Variants in SHROOM3 observed in about 807,000 individuals in gnomAD.
The protein encoded by SHROOM3 is protein Shroom3.
Under a neutral mutation model 138.6 loss-of-function variants are expected in SHROOM3, and 47 were observed. That is an observed-to-expected ratio of 0.34 (90% CI 0.27 to 0.43). SHROOM3 has a LOEUF of 0.43. Ranked by LOEUF, SHROOM3 falls within the 20% of genes least tolerant of loss-of-function variation. SHROOM3 has a pLI of 1.00. For synonymous variants in SHROOM3, 1,062 were observed against 1,063.3 expected (o/e 1.00, Z 0.02); for missense variants, 2,491 against 2,596.5 (o/e 0.96, Z 0.88).
At chr4:76,752,461 A>T (rs1037619326) in intron 6 of SHROOM3, among the ~76,000 whole-genome samples, 7 of 152,158 alleles carry the variant, frequency 4.6e-5, no homozygotes, top group African/African-American at 1.4e-4. Flanking sequence ...ACAATTTTTT[A>T]AAAATGCTTT....
chr4:76,462,744 A>C (rs868552362), intron 1 of SHROOM3, among the ~76,000 whole-genome samples: 2,256 of 79,302 alleles, frequency 0.028, 40 homozygotes, highest in Middle Eastern at 0.087. Flanking sequence ...CTCCATCTCC[A>C]TCTCCCTCTC....
At chr4:76,441,691 A>G (rs1730694490) in intron 1 of SHROOM3, among the ~76,000 whole-genome samples, 1 of 151,450 alleles carries the variant, frequency 6.6e-6, no homozygotes, top group Non-Finnish European at 1.5e-5. Flanking sequence ...CTTTCCTCTT[A>G]TCTCCCCAGT....
chr4:76,698,392 C>T (rs1453976535), intron 2 of SHROOM3, among the ~76,000 whole-genome samples: 1 of 152,128 alleles, frequency 6.6e-6, no homozygotes, highest in Non-Finnish European at 1.5e-5. Flanking sequence ...TCAGCTGATG[C>T]CAAATTTAGC....
At chr4:76,484,851 C>T (rs990507910) in intron 1 of SHROOM3, among the ~76,000 whole-genome samples, 5 of 152,242 alleles carry the variant, frequency 3.3e-5, no homozygotes, top group Admixed American at 1.3e-4. Flanking sequence ...TGCCCCCACC[C>T]GCTTCCCTCT....
At chr4:76,593,508 G>T (rs1051707655) in intron 2 of SHROOM3, among the ~76,000 whole-genome samples, 2 of 152,134 alleles carry the variant, frequency 1.3e-5, no homozygotes, top group African/African-American at 4.8e-5. Flanking sequence ...TATTTAGTTG[G>T]TCAAGTTCTA....
chr4:76,758,521 T>A (rs980045269), intron 8 of SHROOM3: 1 of 150,410 alleles, frequency 6.6e-6, no homozygotes, highest in African/African-American at 2.4e-5. Flanking sequence ...CTGTTGGGCA[T>A]GAGATGGCCA....
At chr4:76,533,493 A>G (rs1447746646) in intron 1 of SHROOM3, among the ~76,000 whole-genome samples, 2 of 152,286 alleles carry the variant, frequency 1.3e-5, no homozygotes, top group South Asian at 2.1e-4. Context: ...TTTTGCTGCC[A>G]AGGGATCAGC....
At chr4:76,620,070 C>CA (rs68039696) in intron 2 of SHROOM3, among the ~76,000 whole-genome samples, 3,888 of 60,448 alleles carry the variant, frequency 0.064, 122 homozygotes, top group Admixed American at 0.095. Context: ...GAATCTATCT[C>CA]AAAAAAAAAA....
intron 3 of SHROOM3, among the ~76,000 whole-genome samples, chr4:76,728,976 C>T (rs1392219130): frequency 1.3e-5 from 2 of 152,144 alleles, no homozygotes; most frequent in Non-Finnish European, 2.9e-5. Flanking sequence ...ATTTACCATC[C>T]TTCTTTTTAA....
chr4:76,683,015 G>A (rs1719242975), intron 2 of SHROOM3, among the ~76,000 whole-genome samples: 1 of 152,074 alleles, frequency 6.6e-6, no homozygotes, highest in African/African-American at 2.4e-5. Flanking sequence ...GATAACTTGA[G>A]GAATTTCACA....
rs1735884489 is a variant in SHROOM3, at chr4:76,648,511, T to A, written c.324-61645T>A. ...CTAGGCTGTTAAAGACCTGCATTTT[T>A]TTTTTTAGCAGCCTCCTCCTCGGCC... On this transcript the variant is annotated intron_variant, in intron 2 of 10. Coordinates refer to ENST00000296043, the MANE Select transcript of SHROOM3 (RefSeq NM_020859.4). Among the ~76,000 whole-genome samples, 3 of 152,278 alleles carry A rather than the reference T, an allele frequency of 2.0e-5. No individual in the cohort carries two copies. The East Asian group carries it at 5.8e-4, about 29-fold the overall frequency.
chr4:76,681,842 G>A (rs1157741105), intron 2 of SHROOM3, among the ~76,000 whole-genome samples: 1 of 152,104 alleles, frequency 6.6e-6, no homozygotes, highest in African/African-American at 2.4e-5. Flanking sequence ...ACTCTCTCCA[G>A]CCCAGGTGTA....
intron 2 of SHROOM3, among the ~76,000 whole-genome samples, chr4:76,667,860 C>T (rs746777449): frequency 4.8e-4 from 69 of 142,574 alleles, no homozygotes; most frequent in Non-Finnish European, 8.7e-4. Flanking sequence ...CCTAGCTACT[C>T]GGGAGGCTGA....
chr4:76,691,559 A>G (rs1719540888), intron 2 of SHROOM3, among the ~76,000 whole-genome samples: 1 of 152,228 alleles, frequency 6.6e-6, no homozygotes, highest in African/African-American at 2.4e-5. Flanking sequence ...TATGGATAGA[A>G]AATCAACAAT....
At chr4:76,500,651 G>A (rs1345903286) in intron 1 of SHROOM3, among the ~76,000 whole-genome samples, 1 of 152,044 alleles carries the variant, frequency 6.6e-6, no homozygotes. Context: ...AGCCATTCTA[G>A]TGGGTACACA....
intron 2 of SHROOM3, among the ~76,000 whole-genome samples, chr4:76,668,956 A>T (rs773921358): frequency 5.3e-5 from 8 of 152,176 alleles, no homozygotes; most frequent in Admixed American, 3.9e-4. Context: ...TTTATTGCAC[A>T]TAAAGTAACT....
At chr4:76,580,121 T>C (rs1268011523) in intron 2 of SHROOM3, among the ~76,000 whole-genome samples, 1 of 152,242 alleles carries the variant, frequency 6.6e-6, no homozygotes, top group Non-Finnish European at 1.5e-5. Context: ...GTTTAAATCA[T>C]GATTTGAAGC....
At chr4:76,678,207 G>T (rs1393764261) in intron 2 of SHROOM3, among the ~76,000 whole-genome samples, 2 of 152,140 alleles carry the variant, frequency 1.3e-5, no homozygotes, top group South Asian at 4.1e-4. Context: ...CTGCTAACTA[G>T]CTAATGGAAA....
At chr4:76,547,593 A>G (rs1733250245) in intron 1 of SHROOM3, among the ~76,000 whole-genome samples, 2 of 152,142 alleles carry the variant, frequency 1.3e-5, no homozygotes. Flanking sequence ...TGGGGCTGAC[A>G]TTCCAGTAGA....
Sources: allele counts gnomAD v4.1 joint callset (sites outside exome capture counted in the v4.1 genomes callset), GRCh38; gene constraint gnomAD v4.1.1; transcripts MANE v1.5; gene names NCBI Gene and HGNC (gene_info 2026-07-23, HGNC 2026-07-21).